ZC2HC1B: variants seen among roughly 807,000 people sequenced by gnomAD.
ZC2HC1B encodes the protein zinc finger C2HC domain-containing protein 1B.
A neutral mutation model predicts 31.0 loss-of-function variants in ZC2HC1B; 36 were observed. The observed-to-expected ratio is 1.16, with a 90% CI of 0.89 to 1.54. The LOEUF is 1.54. Ranked by LOEUF, ZC2HC1B falls within the 40% of genes most tolerant of loss-of-function variation. The pLI, the probability that ZC2HC1B is intolerant of heterozygous loss-of-function variation, is 0.00. For synonymous variants in ZC2HC1B, 73 were observed against 88.0 expected (o/e 0.83, Z 0.95); for missense variants, 260 against 268.6 (o/e 0.97, Z 0.22).
intron 1 of ZC2HC1B, chr6:143,881,636 G>GTGGTACTGAAAGGCAT (rs1777469487): frequency 1.4e-5 from 2 of 146,370 alleles, no homozygotes; most frequent in African/African-American, 5.1e-5. Flanking sequence ...ACCACAGTTT[G>GTGGTACTGAAAGGCAT]TTTAACCGTT....
rs531356330 is a variant in ZC2HC1B, at chr6:143,884,661, C to T, written c.90+296C>T. ...GCTCTTCCACCTTTTCTTTAAGCATCGAAAATTCAAATTTCAAGGCCAAAG... is the reference window on the plus strand; with the variant it reads ...GCTCTTCCACCTTTTCTTTAAGCATTGAAAATTCAAATTTCAAGGCCAAAG... On this transcript the variant is annotated intron_variant, in intron 2 of 7. Transcript: ENST00000237275. This position sits in a 1 kb window ranked among gnomAD's most constrained non-coding sequence, Gnocchi z 5.1. 1.1e-4 allele frequency among the ~76,000 whole-genome samples: 16 copies of T among 152,208 alleles called. No individual in the cohort carries two copies. The highest frequency in any genetic ancestry group is 2.4e-4 in the African/African-American group (10 of 41,534).
intron 5 of ZC2HC1B, 83 bp from the exon 6 acceptor site, chr6:143,902,961 T>G (rs1777753131): frequency 7.8e-7 from 1 of 1,287,140 alleles, no homozygotes; most frequent in Non-Finnish European, 1.1e-6. Flanking sequence ...GCTGGTTAAG[T>G]GGGAACAGCT....
At chr6:143,910,089 G>T (rs965434853) in intron 6 of ZC2HC1B, among the ~76,000 whole-genome samples, 1 of 152,176 alleles carries the variant, frequency 6.6e-6, no homozygotes, top group Non-Finnish European at 1.5e-5. Context: ...GCATCCCAGA[G>T]ATTCTGGTAC....
chr6:143,903,685 T>TC lies in ZC2HC1B; in HGVS notation c.598+536dup, dbSNP rs1482785962. On this transcript the variant is annotated intron_variant, in intron 6 of 7. Transcript: ENST00000237275. This position sits in a 1 kb window ranked among gnomAD's most constrained non-coding sequence, Gnocchi z 4.3. ...TCCCTCGGTATCCACAGGGGATTGG[T>TC]CCCAGGGCCCTAGTGGGTACCAAAA... 6.6e-6 allele frequency among the ~76,000 whole-genome samples: 1 copy of TC among 152,172 alleles called. No individual in the cohort carries two copies. The highest frequency in any genetic ancestry group is 2.4e-5 in the African/African-American group (1 of 41,436).
rs557789385 is a variant in ZC2HC1B, at chr6:143,889,326, C to T, written c.349+2505C>T. ...AGCAAGGTGGGATAAAGACAGATAA[C>T]AAGATGGTAGACTTAAACCTAACCA... On this transcript the variant is annotated intron_variant, in intron 4 of 7. Coordinates refer to ENST00000237275, the MANE Select transcript of ZC2HC1B (RefSeq NM_001013623.3). 4.6e-5 allele frequency among the ~76,000 whole-genome samples: 7 copies of T among 152,064 alleles called. No individual in the cohort carries two copies. In the South Asian group the frequency reaches 1.2e-3, roughly 27 times the overall value.
rs1777985737 is a variant in ZC2HC1B, at chr6:143,921,463, G to A, written c.599-16186G>A. Among the ~76,000 whole-genome samples the A allele has an allele frequency of 1.3e-5, 2 of 152,172 alleles. No homozygotes were observed. The highest frequency in any genetic ancestry group is 1.3e-4 in the Admixed American group (2 of 15,280). ...AAGAGGGACTCAGTAAATACTTGTT[G>A]AATGAAATGTATGAGGAGAAGTGGA... On this transcript the variant is annotated intron_variant, in intron 6 of 7. Coordinates refer to ENST00000237275, the MANE Select transcript of ZC2HC1B (RefSeq NM_001013623.3). The surrounding 1 kb of genome is among the most constrained non-coding windows in gnomAD (Gnocchi z 6.1).
chr6:143,875,395 T>A (rs1777394068), intron 1 of ZC2HC1B, among the ~76,000 whole-genome samples: 1 of 151,350 alleles, frequency 6.6e-6, no homozygotes, highest in Admixed American at 6.6e-5. Context: ...GATCAGGCAT[T>A]TCCAGCTTGC....
At chr6:143,898,082 G>T (rs905150589) in intron 4 of ZC2HC1B, among the ~76,000 whole-genome samples, 2 of 152,200 alleles carry the variant, frequency 1.3e-5, no homozygotes, top group Non-Finnish European at 2.9e-5. Context: ...ATGTCCTTTA[G>T]TTGAGCCCTG....
At position 143,883,384 on chromosome 6, in the gene ZC2HC1B, C is replaced by T. The variant is rs113756736; in HGVS notation, c.29-920C>T. 2.6e-5 allele frequency among the ~76,000 whole-genome samples: 4 copies of T among 152,192 alleles called. No homozygotes were observed. The highest frequency in any genetic ancestry group is 9.6e-5 in the African/African-American group (4 of 41,454). The stretch of plus-strand genomic sequence containing the variant: ...AACTCCGCTCTTCTCCCACTATACT[C>T]GCAATCCATTTGCCCCTTCTTGCCT... On this transcript the variant is annotated intron_variant, in intron 1 of 7. Transcript: ENST00000237275. The surrounding 1 kb of genome is among the most constrained non-coding windows in gnomAD (Gnocchi z 4.1).
chr6:143,898,524 T>G, intron 4 of ZC2HC1B, 28 bp from the exon 5 acceptor site: 1 of 1,549,806 alleles, frequency 6.5e-7, no homozygotes, highest in Non-Finnish European at 8.7e-7. Context: ...AAGTGCTAAT[T>G]GCCATTTGTT....
chr6:143,878,005 A>G (rs946461060), intron 1 of ZC2HC1B, among the ~76,000 whole-genome samples: 1 of 150,788 alleles, frequency 6.6e-6, no homozygotes, highest in Admixed American at 6.6e-5. Context: ...GTATACATGT[A>G]TATGTAGACA....
rs986235144 is a variant in ZC2HC1B, at chr6:143,934,814, T to C, written c.599-2835T>C. Among the ~76,000 whole-genome samples, 2 of 152,178 alleles carry C rather than the reference T, an allele frequency of 1.3e-5. No individual in the cohort carries two copies. Among genetic ancestry groups the C allele is most frequent in the Non-Finnish European group, 2.9e-5 (2 of 68,024 alleles). Reference sequence around the variant, plus strand: ...ATGGGGACACAAGGTGAGCTGGTCTTCAGGCCTCAGTGGTGGCAGCAGTAG... The same window carrying C: ...ATGGGGACACAAGGTGAGCTGGTCTCCAGGCCTCAGTGGTGGCAGCAGTAG... On this transcript the variant is annotated intron_variant, in intron 6 of 7. Transcript: ENST00000237275. This position sits in a 1 kb window ranked among gnomAD's most constrained non-coding sequence, Gnocchi z 4.6.
In ZC2HC1B at chr6:143,884,427, G is replaced by A. The variant is rs1777506977; in HGVS notation, c.90+62G>A. 2 of 1,452,352 alleles carry A rather than the reference G, an allele frequency of 1.4e-6. No individual in the cohort carries two copies. Among genetic ancestry groups the A allele is most frequent in the Non-Finnish European group, 1.9e-6 (2 of 1,069,778 alleles). 90.0% of individuals were successfully genotyped at this position (1,452,352 alleles called of 1,614,324 possible). On this transcript the variant is annotated intron_variant, in intron 2 of 7. Transcript: ENST00000237275. The surrounding 1 kb of genome is among the most constrained non-coding windows in gnomAD (Gnocchi z 5.1). ...GACTTAAATGAACTGTCAAGTCAGT[G>A]AGGAGGCGGCAGTGCAAAGATTAAA... is the stretch of plus-strand genomic sequence containing the variant.
At chr6:143,888,635 T>C (rs1479415116) in intron 4 of ZC2HC1B, among the ~76,000 whole-genome samples, 2 of 152,082 alleles carry the variant, frequency 1.3e-5, no homozygotes, top group African/African-American at 4.8e-5. Flanking sequence ...TTTCTAAGTA[T>C]TTTATTCATT....
intron 6 of ZC2HC1B, among the ~76,000 whole-genome samples, chr6:143,935,123 G>T (rs76360040): frequency 4.1e-4 from 44 of 106,566 alleles, no homozygotes; most frequent in Admixed American, 1.1e-3. Context: ...GTATGTGGAC[G>T]CTGCAGATGC....
chr6:143,926,619 T>C (rs375354004), intron 6 of ZC2HC1B, among the ~76,000 whole-genome samples: 30 of 152,222 alleles, frequency 2.0e-4, no homozygotes, highest in African/African-American at 7.0e-4. Flanking sequence ...TGCATGTCTT[T>C]TAGGTACGTT....
chr6:143,865,443 C>G lies in ZC2HC1B; in HGVS notation c.28+876C>G, dbSNP rs1465061490. On this transcript the variant is annotated intron_variant, in intron 1 of 7. Coordinates refer to ENST00000237275, the MANE Select transcript of ZC2HC1B (RefSeq NM_001013623.3). The surrounding 1 kb of genome is among the most constrained non-coding windows in gnomAD (Gnocchi z 4.4). The stretch of plus-strand genomic sequence containing the variant: ...ATGGTTGGTGCTCAGCTGTAACCTT[C>G]ACTATAGGCTATTCCCTGAGCTTGT... 1.3e-5 allele frequency among the ~76,000 whole-genome samples: 2 copies of G among 152,198 alleles called. No homozygotes were observed. The highest frequency in any genetic ancestry group is 3.8e-4 in the East Asian group (2 of 5,202).
Position 143,924,239 on chromosome 6 carries a change from T to G in ZC2HC1B, c.599-13410T>G, listed in dbSNP as rs545663491. Among the ~76,000 whole-genome samples, 4 of 152,080 alleles carry G rather than the reference T, an allele frequency of 2.6e-5. No homozygotes were observed. Among genetic ancestry groups the G allele is most frequent in the African/African-American group, 9.6e-5 (4 of 41,540 alleles). The stretch of plus-strand genomic sequence containing the variant: ...TGAGATTGTTTTCTTTTTTAGCCAG[T>G]TTATTATTGGCACATAGAAATGCTG... On this transcript the variant is annotated intron_variant, in intron 6 of 7. Coordinates refer to ENST00000237275, the MANE Select transcript of ZC2HC1B (RefSeq NM_001013623.3). The surrounding 1 kb of genome is among the most constrained non-coding windows in gnomAD (Gnocchi z 5.2).
Position 143,895,207 on chromosome 6 carries a change from G to T in ZC2HC1B, c.350-3345G>T, listed in dbSNP as rs1777651282. On this transcript the variant is annotated intron_variant, in intron 4 of 7. Coordinates refer to ENST00000237275, the MANE Select transcript of ZC2HC1B (RefSeq NM_001013623.3). This position sits in a 1 kb window ranked among gnomAD's most constrained non-coding sequence, Gnocchi z 4.8. Reference sequence around the variant, plus strand: ...GACAGAGTTTTGCTCTTGTTGCCCAGACTGGAGTGCAATGGCAGGACCTCG... The same window carrying T: ...GACAGAGTTTTGCTCTTGTTGCCCATACTGGAGTGCAATGGCAGGACCTCG... 6.6e-6 allele frequency among the ~76,000 whole-genome samples: 1 copy of T among 152,162 alleles called. No homozygotes were observed. The highest frequency in any genetic ancestry group is 2.4e-5 in the African/African-American group (1 of 41,432).
Sources: gnomAD v4.1 joint callset for allele counts (sites outside exome capture counted in the v4.1 genomes callset) on GRCh38, gnomAD v4.1.1 for gene constraint, Gnocchi (gnomAD v3.1) non-coding constraint, MANE v1.5 for transcripts, NCBI Gene and HGNC (gene_info 2026-07-23, HGNC 2026-07-21) for gene names.